QTMAN: variants seen among roughly 807,000 people sequenced by gnomAD.
QTMAN encodes queuosine-tRNA mannosyltransferase, also known as tRNA-queuosine alpha-mannosyltransferase.
chr2:144,047,451 C>G, the QTMAN span, among the ~76,000 whole-genome samples: 3 of 151,994 alleles, frequency 2.0e-5, no homozygotes, highest in Non-Finnish European at 4.4e-5. Flanking sequence ...AATTGTAGTT[C>G]TTGGTTAACT....
the QTMAN span, among the ~76,000 whole-genome samples, chr2:144,218,643 T>C: frequency 6.6e-6 from 1 of 152,090 alleles, no homozygotes; most frequent in Admixed American, 6.5e-5. Context: ...ACTACAAAAG[T>C]TATTGAGAAG....
chr2:144,042,187 G>A, the QTMAN span, among the ~76,000 whole-genome samples: 2 of 152,102 alleles, frequency 1.3e-5, no homozygotes, highest in Non-Finnish European at 1.5e-5. Flanking sequence ...GGCCTGCTGG[G>A]TGCAGAGGGA....
At chr2:143,960,002 G>A in the QTMAN span, among the ~76,000 whole-genome samples, 1,698 of 152,072 alleles carry the variant, frequency 0.011, 11 homozygotes, top group Middle Eastern at 0.017. Flanking sequence ...ATCAGAGTGC[G>A]TCAAATGTAG....
the QTMAN span, among the ~76,000 whole-genome samples, chr2:144,070,003 T>A: frequency 1.3e-5 from 2 of 152,096 alleles, no homozygotes; most frequent in Non-Finnish European, 2.9e-5. Flanking sequence ...AGGCAGATAA[T>A]TTAATAAAAA....
the QTMAN span, chr2:144,007,331 C>T: frequency 2.5e-6 from 4 of 1,613,214 alleles, no homozygotes; most frequent in South Asian, 3.3e-5. Flanking sequence ...AGTCTGATTC[C>T]TGTCTTAATG....
chr2:144,273,429 C>T, the QTMAN span, among the ~76,000 whole-genome samples: 29 of 152,164 alleles, frequency 1.9e-4, no homozygotes, highest in African/African-American at 6.0e-4. Context: ...TAAGTTGTGA[C>T]GGCAACAAAT....
the QTMAN span, among the ~76,000 whole-genome samples, chr2:144,213,782 G>A: frequency 6.6e-6 from 1 of 152,136 alleles, no homozygotes; most frequent in Non-Finnish European, 1.5e-5. Flanking sequence ...AAAAAACAAT[G>A]GGCTTAAACA....
the QTMAN span, among the ~76,000 whole-genome samples, chr2:144,315,667 T>C: frequency 6.6e-6 from 1 of 152,238 alleles, no homozygotes; most frequent in Non-Finnish European, 1.5e-5. Flanking sequence ...AGGACTATTG[T>C]ACTCTTGAAT....
the QTMAN span, among the ~76,000 whole-genome samples, chr2:143,999,192 G>T: frequency 6.6e-6 from 1 of 152,004 alleles, no homozygotes; most frequent in African/African-American, 2.4e-5. Flanking sequence ...GAGGCATGTG[G>T]AAAGTGCAAA....
the QTMAN span, among the ~76,000 whole-genome samples, chr2:143,993,358 C>A: frequency 6.6e-6 from 1 of 150,380 alleles, no homozygotes; most frequent in Non-Finnish European, 1.5e-5. Flanking sequence ...AAGACATCTG[C>A]ATCTTAATCC....
At chr2:144,169,379 G>A in the QTMAN span, among the ~76,000 whole-genome samples, 1 of 152,038 alleles carries the variant, frequency 6.6e-6, no homozygotes, top group Non-Finnish European at 1.5e-5. Context: ...TCTATCAATA[G>A]TTTTGCCAAA....
chr2:144,131,323 A>T, the QTMAN span, among the ~76,000 whole-genome samples: 3 of 151,810 alleles, frequency 2.0e-5, no homozygotes, highest in South Asian at 6.2e-4. Flanking sequence ...AATCTCCCGG[A>T]CACTCCTCCA....
the QTMAN span, among the ~76,000 whole-genome samples, chr2:144,226,567 C>T: frequency 6.6e-6 from 1 of 152,078 alleles, no homozygotes; most frequent in Admixed American, 6.6e-5. Context: ...AAAGGGCTTC[C>T]TTTATTCTTA....
chr2:144,297,816 G>A, the QTMAN span, among the ~76,000 whole-genome samples: 10 of 149,464 alleles, frequency 6.7e-5, no homozygotes, highest in African/African-American at 1.7e-4. Flanking sequence ...TCCTGACCTC[G>A]TGATCCACCC....
chr2:144,072,039 A>G, the QTMAN span, among the ~76,000 whole-genome samples: 1 of 152,308 alleles, frequency 6.6e-6, no homozygotes, highest in East Asian at 1.9e-4. Flanking sequence ...TACTAAATCT[A>G]CAATTTTCTA....
the QTMAN span, among the ~76,000 whole-genome samples, chr2:144,151,399 T>C: frequency 6.6e-6 from 1 of 152,130 alleles, no homozygotes; most frequent in African/African-American, 2.4e-5. Context: ...AATTCATGCA[T>C]ATTTAAATTA....
chr2:143,939,852 A>T, the QTMAN span: 1 of 152,112 alleles, frequency 6.6e-6, no homozygotes, highest in Non-Finnish European at 1.5e-5. Context: ...TTTATTCTGA[A>T]TTATATTGGC....
At chr2:144,288,779 T>A in the QTMAN span, among the ~76,000 whole-genome samples, 1 of 152,136 alleles carries the variant, frequency 6.6e-6, no homozygotes, top group African/African-American at 2.4e-5. Context: ...TATGAAGAAT[T>A]TGAGTTAGCG....
At chr2:144,240,811 G>A in the QTMAN span, among the ~76,000 whole-genome samples, 2 of 152,110 alleles carry the variant, frequency 1.3e-5, no homozygotes, top group African/African-American at 2.4e-5. Context: ...GCATAAAAAC[G>A]ACACACTACT....
Sources: allele counts gnomAD v4.1 joint callset (sites outside exome capture counted in the v4.1 genomes callset), GRCh38; gene constraint gnomAD v4.1.1; transcripts MANE v1.5; gene names NCBI Gene and HGNC (gene_info 2026-07-23, HGNC 2026-07-21).